The following DRC7 variants were observed in gnomAD, a reference collection of about 807,000 sequenced individuals.
The protein encoded by DRC7 is coiled-coil domain containing 135.
Under a neutral mutation model 104.4 loss-of-function variants are expected in DRC7, and 80 were observed. That is an observed-to-expected ratio of 0.77 (90% CI 0.64 to 0.92). The LOEUF (loss-of-function observed/expected upper bound fraction) is 0.92. DRC7 is among the 40% of genes least tolerant of loss of function. The pLI, the probability that DRC7 is intolerant of heterozygous loss-of-function variation, is 0.00. For missense variants in DRC7, 1,034 were observed against 1,141.1 expected (o/e 0.91, Z 1.35); for synonymous variants, 405 against 447.3 (o/e 0.91, Z 1.19).
At chr16:57,727,000 C>A in intron 15 of DRC7, 58 bp downstream of exon 15, 2 of 1,095,542 alleles carry the variant, frequency 1.8e-6, no homozygotes, top group Admixed American at 1.9e-5. Flanking sequence ...GAGATAGGGT[C>A]TCGCTCTATA....
intron 7 of DRC7, among the ~76,000 whole-genome samples, chr16:57,706,858 A>C: frequency 6.9e-6 from 1 of 145,516 alleles, no homozygotes; most frequent in African/African-American, 2.6e-5. Context: ...CCTCCCATCC[A>C]TCCATCCTCC....
intron 1 of DRC7, 121 bp from the exon 2 acceptor site, chr16:57,696,343 G>T (rs1377716789): frequency 6.6e-6 from 1 of 152,290 alleles, no homozygotes; most frequent in Non-Finnish European, 1.5e-5. Context: ...GCCCTCATGT[G>T]TGGCCACCTC....
rs2048983020 is a variant in DRC7, at chr16:57,727,346, A to G, written c.2133A>G (p.Thr711=). Residue 711 remains threonine, a synonymous_variant, in exon 16 of 19, where the codon ACA becomes ACG. Transcript: ENST00000360716. ...GAGAGGAAGAGGAGGCGGCGCACAC[A>G]CTGACCATCTCCATCTATGACACCA... ...KLREEEEAAH[T]LTISIYDTKR... is the part of the protein sequence containing the mutation. The G allele has an allele frequency of 1.9e-6, 3 of 1,613,424 alleles. No individual in the cohort carries two copies. The highest frequency in any genetic ancestry group is 2.2e-5 in the East Asian group (1 of 44,868).
At chr16:57,722,285 G>T (rs2148765351) in intron 10 of DRC7, among the ~76,000 whole-genome samples, 1 of 152,336 alleles carries the variant, frequency 6.6e-6, no homozygotes, top group East Asian at 1.9e-4. Flanking sequence ...CCCAGCACTG[G>T]GGCTAGGGCC....
At chr16:57,699,643 G>A (rs1335754013) in intron 4 of DRC7, among the ~76,000 whole-genome samples, 2 of 152,134 alleles carry the variant, frequency 1.3e-5, no homozygotes, top group African/African-American at 4.8e-5. Context: ...AGACTGTACT[G>A]GTCGCCAGCT....
intron 7 of DRC7, among the ~76,000 whole-genome samples, chr16:57,706,971 C>T (rs1043341571): frequency 6.6e-6 from 1 of 152,118 alleles, no homozygotes; most frequent in African/African-American, 2.4e-5. Flanking sequence ...CTTCTTCCAA[C>T]TCCACACTCC....
rs1436937409 is a variant in DRC7, at chr16:57,726,184, C to A, written c.1875C>A (p.Asp625Glu). The A allele has an allele frequency of 6.2e-7, 1 of 1,613,196 alleles. No homozygotes were observed. The highest frequency in any genetic ancestry group is 1.1e-5 in the South Asian group (1 of 91,084). ...RIQLRYHCRE[D>E]HITASKREFL... ...AGCTGCGCTACCACTGCCGTGAGGA[C>A]CACATCACGGCCTCCAAGCGCGAGT... Residue 625 changes from aspartate (D) to glutamate (E), a missense_variant, in exon 14 of 19, where the codon GAC becomes GAA. Asp to Glu is a conservative substitution (Grantham distance 45). Coordinates refer to ENST00000360716, the MANE Select transcript of DRC7 (RefSeq NM_001289162.2).
chr16:57,705,345 TCATCCTCCCATCTCTCCTCCCATC>T (rs1488266720), intron 7 of DRC7, among the ~76,000 whole-genome samples: 2 of 150,326 alleles, frequency 1.3e-5, no homozygotes, highest in Non-Finnish European at 1.5e-5. Context: ...TCCCATCCAT[TCATCCTCCCATCTCTCCTCCCATC>T]CATCCTCCCA....
At chr16:57,702,247 C>A in intron 6 of DRC7, 117 bp downstream of exon 6, 1 of 996,548 alleles carries the variant, frequency 1.0e-6, no homozygotes, top group Non-Finnish European at 1.5e-6. Flanking sequence ...GCCACGCGGA[C>A]ACAGATCCCT....
chr16:57,710,819 G>A (rs1047695156), intron 8 of DRC7, among the ~76,000 whole-genome samples: 1 of 152,078 alleles, frequency 6.6e-6, no homozygotes. Flanking sequence ...GACTAACCAT[G>A]GTTTTCCTGG....
intron 8 of DRC7, among the ~76,000 whole-genome samples, chr16:57,715,624 GTTC>G (rs759673980): frequency 3.9e-5 from 6 of 152,204 alleles, no homozygotes; most frequent in Non-Finnish European, 7.3e-5. Flanking sequence ...GTCTCTAGCT[GTTC>G]AATAAATGTT....
intron 15 of DRC7, 75 bp from the exon 16 acceptor site, chr16:57,727,224 G>T: frequency 8.1e-7 from 1 of 1,235,754 alleles, no homozygotes; most frequent in Non-Finnish European, 1.2e-6. Flanking sequence ...GCCCTCCTTG[G>T]CTTCCCAAAG....
At chr16:57,718,505 A>G (rs1341331266) in intron 9 of DRC7, 30 bp downstream of exon 9, 14 of 1,611,466 alleles carry the variant, frequency 8.7e-6, no homozygotes, top group South Asian at 4.4e-5. Flanking sequence ...GAGCCCAGGG[A>G]ATGTGTGTGA....
rs1254773235 is a variant in DRC7 at position 57,728,646 on chromosome 16, C to T, written c.2391+62C>T. On this transcript the variant is annotated intron_variant, in intron 17 of 18. Transcript: ENST00000360716. ...CAGCATCTGCATCCAGGAAATGGGCCCACGGCTGTCCGCCCACTACCTCAC... is the reference window on the plus strand; with the variant it reads ...CAGCATCTGCATCCAGGAAATGGGCTCACGGCTGTCCGCCCACTACCTCAC... 1.5e-5 allele frequency: 20 copies of T among 1,368,464 alleles called. No homozygotes were observed. In the African/African-American group the frequency reaches 2.6e-4, roughly 18 times the overall value. The allele number at this position is 1,368,464 out of a possible 1,614,324, so 84.8% of individuals were successfully genotyped here.
At chr16:57,696,105 G>A (rs779890880) in intron 1 of DRC7, among the ~76,000 whole-genome samples, 8 of 152,196 alleles carry the variant, frequency 5.3e-5, no homozygotes, top group East Asian at 1.9e-4. Flanking sequence ...CCCATTTGCC[G>A]TAAGGAAAAC....
At chr16:57,704,831 G>T (rs908631816) in intron 6 of DRC7, 45 bp from the exon 7 acceptor site, 4 of 1,602,420 alleles carry the variant, frequency 2.5e-6, no homozygotes, top group South Asian at 1.1e-5. Context: ...ACATGTAAAG[G>T]GGGGATGCAG....
chr16:57,702,971 C>T (rs890024902), intron 6 of DRC7, among the ~76,000 whole-genome samples: 2 of 151,902 alleles, frequency 1.3e-5, no homozygotes, highest in Non-Finnish European at 2.9e-5. Flanking sequence ...GCAACCTCAA[C>T]CTCCTGGACT....
Position 57,725,761 on chromosome 16 carries a change from A to C in DRC7, c.1759-307A>C, listed in dbSNP as rs1310360020. On this transcript the variant is annotated intron_variant, in intron 13 of 18. Coordinates refer to ENST00000360716, the MANE Select transcript of DRC7 (RefSeq NM_001289162.2). ...GCATGCCAAAGAAGCTCTTTCTAGC[A>C]GTAAGGGATGTCTAGCAATGGAGTA... 5 of 358,726 alleles carry C rather than the reference A, an allele frequency of 1.4e-5. No homozygotes were observed. The East Asian group carries it at 2.5e-4, about 18-fold the overall frequency. 22.2% of individuals were successfully genotyped at this position (358,726 alleles called of 1,614,324 possible). A position where few individuals can be genotyped will look rare whatever the true frequency, so the allele number is the denominator to read the frequency against.
chr16:57,730,783 T>G, intron 17 of DRC7, 148 bp from the exon 18 acceptor site: 2 of 780,150 alleles, frequency 2.6e-6, no homozygotes, highest in Middle Eastern at 3.8e-4. Flanking sequence ...CCTGCCTCTG[T>G]GGCAGGTATG....
Sources: gnomAD v4.1 joint callset for allele counts (sites outside exome capture counted in the v4.1 genomes callset) on GRCh38, gnomAD v4.1.1 for gene constraint, MANE v1.5 for transcripts, NCBI Gene and HGNC (gene_info 2026-07-23, HGNC 2026-07-21) for gene names.